CRIM1: variants seen among roughly 807,000 people sequenced by gnomAD.
CRIM1 encodes the protein cysteine-rich motor neuron 1 protein.
Under a neutral mutation model 116.4 loss-of-function variants are expected in CRIM1, and 32 were observed. The ratio of observed to expected loss-of-function variants is 0.27; its 90% CI spans 0.21 to 0.37. The LOEUF (loss-of-function observed/expected upper bound fraction) is 0.37, where lower values mean the gene tolerates loss of function less well. CRIM1 is among the 10% of genes least tolerant of loss of function. CRIM1 has a pLI of 1.00. For missense variants in CRIM1, 1,331 were observed against 1,354.8 expected, an observed-to-expected ratio of 0.98 and a Z score of 0.28; for synonymous variants, 590 against 509.2, an observed-to-expected ratio of 1.16 and a Z score of -2.13.
At chr2:36,370,247 A>C (rs1669860259) in intron 1 of CRIM1, among the ~76,000 whole-genome samples, 1 of 149,122 alleles carries the variant, frequency 6.7e-6, no homozygotes. Flanking sequence ...ACAGTTTTTG[A>C]CCTTACGCAG....
chr2:36,549,532 T>A lies in CRIM1; in HGVS notation c.*831T>A, dbSNP rs1343225774. 6.6e-6 allele frequency: 1 copy of A among 152,544 alleles called. No homozygotes were observed. Among genetic ancestry groups the A allele is most frequent in the Non-Finnish European group, 1.5e-5 (1 of 67,994 alleles). 9.4% of individuals were successfully genotyped at this position (152,544 alleles called of 1,614,324 possible). A position where few individuals can be genotyped will look rare whatever the true frequency, so the allele number is the denominator to read the frequency against. On this transcript the variant is annotated 3_prime_UTR_variant, in exon 17 of 17. Coordinates refer to ENST00000280527, the MANE Select transcript of CRIM1 (RefSeq NM_016441.3). ...GGAGAGGGTGACGAACACCAGGCAT[T>A]TCCAGGGGCTATATTTCACTGTTTG...
At chr2:36,363,529 G>GC (rs59203042) in intron 1 of CRIM1, among the ~76,000 whole-genome samples, 15,589 of 77,452 alleles carry the variant, frequency 0.2, 3,110 homozygotes, top group African/African-American at 0.25. Flanking sequence ...AGTCGTCGCC[G>GC]CCCCCCCCCC....
At chr2:36,425,058 G>T (rs1333448587) in intron 2 of CRIM1, among the ~76,000 whole-genome samples, 1 of 152,136 alleles carries the variant, frequency 6.6e-6, no homozygotes, top group Non-Finnish European at 1.5e-5. Flanking sequence ...TTAAAGTCAG[G>T]CCCGGGACTG....
intron 12 of CRIM1, among the ~76,000 whole-genome samples, chr2:36,519,407 T>G (rs1665233502): frequency 6.6e-6 from 1 of 152,174 alleles, no homozygotes; most frequent in Non-Finnish European, 1.5e-5. Flanking sequence ...AACTTAGGCC[T>G]GGATTTTTTT....
intron 8 of CRIM1, among the ~76,000 whole-genome samples, chr2:36,504,566 T>G (rs1681252355): frequency 6.6e-6 from 1 of 152,220 alleles, no homozygotes; most frequent in Non-Finnish European, 1.5e-5. Flanking sequence ...AAAGTAGTAC[T>G]CCAGGACATA....
intron 5 of CRIM1, among the ~76,000 whole-genome samples, chr2:36,470,603 A>G (rs1033176540): frequency 1.3e-5 from 2 of 152,328 alleles, no homozygotes; most frequent in Admixed American, 1.3e-4. Context: ...TAAGCCCACC[A>G]TTGAGACCTA....
chr2:36,380,989 C>T (rs77791728), intron 1 of CRIM1, among the ~76,000 whole-genome samples: 2,276 of 152,352 alleles, frequency 0.015, 27 homozygotes, highest in Non-Finnish European at 0.024. Context: ...GAGAGAACTC[C>T]TGGGGCCCCC....
intron 1 of CRIM1, among the ~76,000 whole-genome samples, chr2:36,368,018 G>A (rs1208989808): frequency 6.6e-6 from 1 of 152,196 alleles, no homozygotes; most frequent in Non-Finnish European, 1.5e-5. Flanking sequence ...GCTCATTTCT[G>A]CCTCTGACAC....
At chr2:36,534,239 A>G (rs1666335412) in intron 13 of CRIM1, among the ~76,000 whole-genome samples, 1 of 123,248 alleles carries the variant, frequency 8.1e-6, no homozygotes, top group African/African-American at 3.2e-5. Flanking sequence ...GAGGGTGGGG[A>G]AGGAGGGAGG....
At chr2:36,370,811 T>C (rs190254899) in intron 1 of CRIM1, among the ~76,000 whole-genome samples, 48 of 152,286 alleles carry the variant, frequency 3.2e-4, no homozygotes, top group African/African-American at 1.1e-3. Context: ...ACATATTTCA[T>C]ATGCATAGTT....
chr2:36,388,741 A>G (rs1031500741), intron 1 of CRIM1, among the ~76,000 whole-genome samples: 6 of 148,422 alleles, frequency 4.0e-5, no homozygotes, highest in African/African-American at 1.0e-4. Context: ...CGTAGCCCCA[A>G]TTTCTCCTGT....
At chr2:36,517,233 T>C (rs907199872) in intron 11 of CRIM1, 94 bp from the exon 12 acceptor site, 80 of 915,354 alleles carry the variant, frequency 8.7e-5, no homozygotes, top group South Asian at 4.6e-4. Flanking sequence ...TCACAGTTCA[T>C]CTCTTCTATC....
Position 36,356,475 on chromosome 2 carries a change from C to T in CRIM1, c.183C>T (p.Gly61=), listed in dbSNP as rs1298940944. ...CPGSIVQGVC[G]CCYTCASQRN... is the part of the protein sequence containing the mutation. ...GGAGCATCGTGCAGGGCGTCTGCGG[C>T]TGCTGCTACACGTGCGCCAGCCAGA... The change falls in exon 1 of 17, where the codon GGC becomes GGT. Residue 61 remains glycine (G), a synonymous_variant. Transcript: ENST00000280527. The surrounding 1 kb of genome is among the most constrained non-coding windows in gnomAD (Gnocchi z 4.3). 3 of 1,612,084 alleles carry T rather than the reference C, an allele frequency of 1.9e-6. No homozygotes were observed. The highest frequency in any genetic ancestry group is 1.6e-4 in the Middle Eastern group (1 of 6,076).
rs1668866630 is a variant in CRIM1, at chr2:36,356,979, GCCGCGCGCGAGCCCC to G, written c.331+357_331+371del. Among the ~76,000 whole-genome samples the G allele has an allele frequency of 2.0e-5, 3 of 152,312 alleles. No homozygotes were observed. Among genetic ancestry groups the G allele is most frequent in the South Asian group, 4.1e-4 (2 of 4,826 alleles). On this transcript the variant is annotated intron_variant, in intron 1 of 16. Transcript: ENST00000280527. The surrounding 1 kb of genome is among the most constrained non-coding windows in gnomAD (Gnocchi z 4.3). ...GCGGGCGGGGGGCACTGCAGATTCT[GCCGCGCGCGAGCCCC>G]TCGGGGAGCCCGGCCCTACCGCCCT...
At chr2:36,541,850 A>G (rs1210012804) in intron 14 of CRIM1, among the ~76,000 whole-genome samples, 2 of 152,160 alleles carry the variant, frequency 1.3e-5, no homozygotes, top group African/African-American at 4.8e-5. Context: ...TATATTTTAG[A>G]GTCTTGGGTT....
chr2:36,396,498 A>T, intron 1 of CRIM1, 116 bp from the exon 2 acceptor site: 1 of 621,558 alleles, frequency 1.6e-6, no homozygotes, highest in South Asian at 3.1e-5. Flanking sequence ...TGCCTTTCAC[A>T]AATTGATTTG....
intron 7 of CRIM1, among the ~76,000 whole-genome samples, chr2:36,498,764 A>T (rs1680779520): frequency 1.3e-5 from 2 of 152,190 alleles, no homozygotes; most frequent in African/African-American, 4.8e-5. Context: ...TGATTTATTA[A>T]TTTGGAAAAA....
At chr2:36,435,342 G>T (rs192108969) in intron 2 of CRIM1, among the ~76,000 whole-genome samples, 111 of 152,036 alleles carry the variant, frequency 7.3e-4, no homozygotes, top group African/African-American at 2.6e-3. Flanking sequence ...GTGTGTGTGT[G>T]TGTGTGTGAG....
rs190145046 is a variant in CRIM1 at position 36,368,230 on chromosome 2, G to A, written c.331+11607G>A. Among the ~76,000 whole-genome samples the A allele has an allele frequency of 5.9e-5, 9 of 152,340 alleles. No homozygotes were observed. In the East Asian group the frequency reaches 1.5e-3, roughly 26 times the overall value. On this transcript the variant is annotated intron_variant, in intron 1 of 16. Transcript: ENST00000280527. ...CAAACGTGGCATGTTGGTGCCTCAC[G>A]TTGGGAGGATGAAAGGATGATTCCT...
Sources: allele counts gnomAD v4.1 joint callset (sites outside exome capture counted in the v4.1 genomes callset), GRCh38; gene constraint gnomAD v4.1.1; non-coding constraint Gnocchi (gnomAD v3.1); transcripts MANE v1.5; gene names NCBI Gene and HGNC (gene_info 2026-07-23, HGNC 2026-07-21).